Variants in DCDC1 observed in about 807,000 individuals in gnomAD.
The protein encoded by DCDC1 is doublecortin domain containing 1.
DCDC1 carries 200 observed loss-of-function variants against 178.3 expected under a neutral mutation model. That is an observed-to-expected ratio of 1.12 (90% CI 1.00 to 1.26). DCDC1 has a LOEUF of 1.26. Among genes scored for constraint, DCDC1 ranks in the 50% most tolerant of loss-of-function variants. DCDC1 has a pLI of 0.00. For synonymous variants in DCDC1, 690 were observed against 604.8 expected (o/e 1.14, Z -2.07); for missense variants, 1,983 against 1,749.2 (o/e 1.13, Z -2.38).
intron 20 of DCDC1, among the ~76,000 whole-genome samples, chr11:31,053,382 G>A (rs903504326): frequency 6.6e-6 from 1 of 152,078 alleles, no homozygotes; most frequent in African/African-American, 2.4e-5. Flanking sequence ...CGGATTCACA[G>A]CAGAATTCCA....
chr11:31,012,928 C>T (rs370441448), intron 20 of DCDC1, among the ~76,000 whole-genome samples: 22 of 152,044 alleles, frequency 1.4e-4, no homozygotes, highest in African/African-American at 4.3e-4. Flanking sequence ...CTCTGAAGAA[C>T]GACTAAGGGA....
intron 20 of DCDC1, among the ~76,000 whole-genome samples, chr11:31,052,083 T>C (rs1955292838): frequency 6.6e-6 from 1 of 152,142 alleles, no homozygotes; most frequent in African/African-American, 2.4e-5. Flanking sequence ...CTCACCACCC[T>C]ACTATCTGCT....
intron 36 of DCDC1, among the ~76,000 whole-genome samples, chr11:30,885,338 T>C (rs1943067680): frequency 1.3e-5 from 2 of 151,802 alleles, no homozygotes; most frequent in South Asian, 4.1e-4. Context: ...GATAAAGGAC[T>C]ATCTGAACAT....
intron 8 of DCDC1, chr11:31,263,162 C>T (rs1475509730): frequency 1.4e-5 from 18 of 1,330,672 alleles, no homozygotes; most frequent in Admixed American, 6.0e-5. Flanking sequence ...ACGAAGATCC[C>T]TTATAGTTTC....
chr11:31,185,067 T>G (rs1327026128), intron 9 of DCDC1, among the ~76,000 whole-genome samples: 1 of 152,226 alleles, frequency 6.6e-6, no homozygotes, highest in Non-Finnish European at 1.5e-5. Context: ...CACTATGGAA[T>G]ACTATGCAGC....
At chr11:31,259,973 G>T (rs1176365570) in intron 8 of DCDC1, among the ~76,000 whole-genome samples, 1 of 152,146 alleles carries the variant, frequency 6.6e-6, no homozygotes, top group South Asian at 2.1e-4. Context: ...TGTTGTGAAT[G>T]TGCTGGATAT....
chr11:30,988,864 T>G (rs1397996594), intron 20 of DCDC1, among the ~76,000 whole-genome samples: 2 of 152,232 alleles, frequency 1.3e-5, no homozygotes, highest in Non-Finnish European at 2.9e-5. Flanking sequence ...CAGCTGTTCC[T>G]CTGGCCCCAA....
At chr11:31,180,819 T>TG (rs1968697006) in intron 9 of DCDC1, among the ~76,000 whole-genome samples, 1 of 151,342 alleles carries the variant, frequency 6.6e-6, no homozygotes, top group African/African-American at 2.4e-5. Context: ...TTTTTGTTGT[T>TG]TTTTTTTTCA....
chr11:30,909,801 A>G (rs957025048), intron 28 of DCDC1, among the ~76,000 whole-genome samples: 1 of 151,214 alleles, frequency 6.6e-6, no homozygotes, highest in Non-Finnish European at 1.5e-5. Context: ...TCAGTTAGAC[A>G]TGTAATAGAA....
chr11:31,205,642 A>G (rs1971777620), intron 9 of DCDC1, among the ~76,000 whole-genome samples: 1 of 152,218 alleles, frequency 6.6e-6, no homozygotes, highest in South Asian at 2.1e-4. Flanking sequence ...TTTAAAATCT[A>G]TTAATAATTT....
intron 38 of DCDC1, among the ~76,000 whole-genome samples, chr11:30,866,434 T>C (rs1367824263): frequency 6.6e-6 from 1 of 152,114 alleles, no homozygotes; most frequent in East Asian, 1.9e-4. Flanking sequence ...GCAGCTCTCT[T>C]GGGCTTATTT....
intron 9 of DCDC1, 46 bp downstream of exon 9, chr11:31,241,404 T>C (rs555067326): frequency 2.5e-6 from 1 of 394,992 alleles, no homozygotes; most frequent in Admixed American, 4.4e-5. Context: ...ACCAAGTATA[T>C]TTTTAAAACA....
In DCDC1 at chr11:30,892,963, T is replaced by A. The variant is rs748079326; in HGVS notation, c.4937A>T (p.Lys1646Ile). ...TTTGGTTGCAATTGGAAAATTTATT[T>A]TGGATTCCATTTCTTGGATTTCAGA... Reference protein sequence around the residue: ...HLSEIQEMESKINFPIATKRI... With the variant: ...HLSEIQEMESIINFPIATKRI... The change falls in exon 36 of 39, where the codon AAA becomes ATA. Residue 1646 changes from lysine (K) to isoleucine (I), a missense_variant. Lys to Ile is a moderately radical substitution (Grantham distance 102, BLOSUM62 -3). Transcript: ENST00000684477. 1 of 1,613,812 alleles carries A rather than the reference T, an allele frequency of 6.2e-7. No individual in the cohort carries two copies. The highest frequency in any genetic ancestry group is 1.3e-5 in the African/African-American group (1 of 74,914).
chr11:31,218,679 AGAT>A (rs1182710356), intron 9 of DCDC1, among the ~76,000 whole-genome samples: 4 of 152,216 alleles, frequency 2.6e-5, no homozygotes, highest in Admixed American at 6.6e-5. Context: ...AATGTCAAAC[AGAT>A]GATAAGTTGG....
Position 30,919,685 on chromosome 11 carries a change from A to G in DCDC1, c.3293+1091T>C, listed in dbSNP as rs193183593. Among the ~76,000 whole-genome samples, 42 of 152,292 alleles carry G rather than the reference A, an allele frequency of 2.8e-4. 1 individual carries two copies. The highest frequency in any genetic ancestry group is 2.6e-3 in the Admixed American group (40 of 15,290). ...TAGTGTCAGTCATAGGACCAACTGA[A>G]TCACCCATCCAAATGAGGAAGTTTG... On this transcript the variant is annotated intron_variant, in intron 25 of 38. Coordinates refer to ENST00000684477, the MANE Select transcript of DCDC1 (RefSeq NM_001387274.1).
intron 1 of DCDC1, among the ~76,000 whole-genome samples, chr11:31,336,030 C>A (rs554995045): frequency 6.6e-5 from 10 of 152,096 alleles, no homozygotes; most frequent in Non-Finnish European, 1.5e-5. Context: ...GTTAACAAAG[C>A]AGAAAAAAAC....
chr11:31,037,698 C>T (rs1196499691), intron 20 of DCDC1, among the ~76,000 whole-genome samples: 1 of 151,952 alleles, frequency 6.6e-6, no homozygotes, highest in Non-Finnish European at 1.5e-5. Flanking sequence ...CTCCTGACCT[C>T]GTGATCCACC....
At chr11:31,148,350 C>A (rs2136078218) in intron 9 of DCDC1, among the ~76,000 whole-genome samples, 1 of 151,800 alleles carries the variant, frequency 6.6e-6, no homozygotes, top group African/African-American at 2.4e-5. Context: ...AGTTCGAGAC[C>A]AGCCTGGGCA....
chr11:31,362,695 CA>C (rs1341026613), intron 1 of DCDC1, among the ~76,000 whole-genome samples: 3 of 152,060 alleles, frequency 2.0e-5, no homozygotes, highest in Non-Finnish European at 4.4e-5. Flanking sequence ...GGTGCTTCTA[CA>C]GTAGATTAAA....
Sources: allele counts gnomAD v4.1 joint callset (sites outside exome capture counted in the v4.1 genomes callset), GRCh38; gene constraint gnomAD v4.1.1; transcripts MANE v1.5; gene names NCBI Gene and HGNC (gene_info 2026-07-23, HGNC 2026-07-21).